Variants in ADGRL1 observed in about 807,000 individuals in gnomAD.
ADGRL1 encodes CIRL-1.
ADGRL1 carries 31 observed loss-of-function variants against 148.9 expected under a neutral mutation model. That is an observed-to-expected ratio of 0.21 (90% confidence interval 0.16 to 0.28). The LOEUF is 0.28. ADGRL1 is among the 10% of genes least tolerant of loss of function. ADGRL1 has a pLI of 1.00. For synonymous variants in ADGRL1, 937 were observed against 900.3 expected, an observed-to-expected ratio of 1.04 and a Z score of -0.73; for missense variants, 1,521 against 2,058.8, an observed-to-expected ratio of 0.74 and a Z score of 5.05.
intron 22 of ADGRL1, 99 bp from the exon 23 acceptor site, chr19:14,151,714 C>G: frequency 8.1e-7 from 1 of 1,232,242 alleles, no homozygotes; most frequent in African/African-American, 1.5e-5. Context: ...GGGCTTGATT[C>G]CTGCTGGTTT....
chr19:14,180,338 C>T (rs1971103240), intron 2 of ADGRL1, among the ~76,000 whole-genome samples: 1 of 152,166 alleles, frequency 6.6e-6, no homozygotes, highest in Non-Finnish European at 1.5e-5. Context: ...TCACTGCAAC[C>T]TCTGCCTCCC....
At chr19:14,156,775 C>T (rs1460564787) in intron 15 of ADGRL1, 51 bp from the exon 16 acceptor site, 1 of 1,568,250 alleles carries the variant, frequency 6.4e-7, no homozygotes, top group Non-Finnish European at 8.7e-7. Context: ...GAGCCATTCC[C>T]AGCGACTCAT....
intron 1 of ADGRL1, among the ~76,000 whole-genome samples, chr19:14,203,836 G>A (rs1972779575): frequency 6.6e-6 from 1 of 151,192 alleles, no homozygotes; most frequent in African/African-American, 2.4e-5. Context: ...GCGCCCAGAA[G>A]TGGGGATTGA....
chr19:14,198,205 T>C (rs1458481243), intron 1 of ADGRL1, among the ~76,000 whole-genome samples: 1 of 152,030 alleles, frequency 6.6e-6, no homozygotes, highest in Non-Finnish European at 1.5e-5. Flanking sequence ...CAGGGCCTTG[T>C]GGACCTCAGG....
At chr19:14,165,545 A>G (rs553879620) in intron 4 of ADGRL1, among the ~76,000 whole-genome samples, 4 of 152,040 alleles carry the variant, frequency 2.6e-5, no homozygotes, top group African/African-American at 9.7e-5. Flanking sequence ...CCAGCACCAA[A>G]CTCCCAATCC....
rs1969153078 is a variant in ADGRL1 at position 14,159,800 on chromosome 19, G to A, written c.1801-27C>T. On this transcript the variant is annotated intron_variant, in intron 8 of 22. Transcript: ENST00000361434. This position sits in a 1 kb window ranked among gnomAD's most constrained non-coding sequence, Gnocchi z 6.0. ...TAGAAAGAGATGGAGGTGATGTCAG[G>A]CCAGGCCTCTGGGTGCCGGTTCCCT... is the stretch of plus-strand genomic sequence containing the variant. The A allele has an allele frequency of 6.2e-7, 1 of 1,607,284 alleles. No individual in the cohort carries two copies. The highest frequency in any genetic ancestry group is 8.5e-7 in the Non-Finnish European group (1 of 1,173,956).
intron 1 of ADGRL1, among the ~76,000 whole-genome samples, chr19:14,200,176 G>C (rs1380986922): frequency 1.3e-5 from 2 of 152,240 alleles, no homozygotes; most frequent in Non-Finnish European, 2.9e-5. Flanking sequence ...CAGGGTCACA[G>C]CCCGTGCAAA....
chr19:14,162,551 G>T lies in ADGRL1; in HGVS notation c.1195+55C>A. The T allele has an allele frequency of 6.6e-7, 1 of 1,507,596 alleles. No homozygotes were observed. The highest frequency in any genetic ancestry group is 9.0e-7 in the Non-Finnish European group (1 of 1,105,882). 93.4% of individuals were successfully genotyped at this position (1,507,596 alleles called of 1,614,324 possible). Reference sequence around the variant, plus strand: ...CACTCTGGGACCCAGGGGTGGGTGGGGGTGGAGGGGACAAAGGCAAGCAGG... The same window carrying T: ...CACTCTGGGACCCAGGGGTGGGTGGTGGTGGAGGGGACAAAGGCAAGCAGG... On this transcript the variant is annotated intron_variant, in intron 5 of 22. Coordinates refer to ENST00000361434, the MANE Select transcript of ADGRL1 (RefSeq NM_014921.5). The surrounding 1 kb of genome is among the most constrained non-coding windows in gnomAD (Gnocchi z 5.4).
chr19:14,158,595 T>G, intron 11 of ADGRL1, 43 bp from the exon 12 acceptor site: 15 of 1,523,068 alleles, frequency 9.8e-6, no homozygotes, highest in Non-Finnish European at 1.3e-5. Context: ...CATCCTCAGC[T>G]GGCGCACCTC....
intron 2 of ADGRL1, among the ~76,000 whole-genome samples, chr19:14,179,332 A>G (rs900326876): frequency 1.1e-4 from 17 of 152,070 alleles, no homozygotes; most frequent in Middle Eastern, 3.2e-3. Flanking sequence ...ATCTCTACCA[A>G]AAATACAAAA....
chr19:14,202,181 C>G (rs984283172), intron 1 of ADGRL1, among the ~76,000 whole-genome samples: 141 of 152,172 alleles, frequency 9.3e-4, no homozygotes, highest in African/African-American at 3.2e-3. Flanking sequence ...GAGTTTGGGG[C>G]TACCCTCGAA....
intron 1 of ADGRL1, among the ~76,000 whole-genome samples, chr19:14,187,288 G>C (rs573928473): frequency 6.6e-6 from 1 of 152,324 alleles, no homozygotes; most frequent in South Asian, 2.1e-4. Context: ...GCAGTGAGCT[G>C]AGATTGTGCC....
chr19:14,190,231 T>G (rs1191263660), intron 1 of ADGRL1, among the ~76,000 whole-genome samples: 2 of 151,898 alleles, frequency 1.3e-5, no homozygotes, highest in Non-Finnish European at 2.9e-5. Context: ...GGCCTGCTAT[T>G]ATTAATTATA....
rs1296491013 is a variant in ADGRL1 at position 14,151,606 on chromosome 19, A to G, written c.3677T>C (p.Leu1226Ser). ...PGSYREPKHPLGGREACGMDT... is the reference protein window; with the variant it reads ...PGSYREPKHPSGGREACGMDT... ...CATGCCACAGGCTTCCCGGCCTCCC[A>G]AGGGGTGCTCTGCAGGGCAGAAAGG... Residue 1226 changes from leucine to serine, a missense_variant, in exon 23 of 23, where the codon TTG becomes TCG. By Grantham distance (145) the Leu-to-Ser change is moderately radical. This residue lies in a region of ADGRL1 where 390 missense variants were observed against 375.0 expected (regional missense o/e 1.04). Transcript: ENST00000361434. 1.3e-6 allele frequency: 2 copies of G among 1,599,188 alleles called. No homozygotes were observed. Among genetic ancestry groups the G allele is most frequent in the Admixed American group, 1.7e-5 (1 of 59,122 alleles).
intron 22 of ADGRL1, 142 bp downstream of exon 22, chr19:14,151,991 A>C: frequency 1.3e-6 from 1 of 794,966 alleles, no homozygotes. Flanking sequence ...TTCGGCTGCC[A>C]GAGGCTGTGT....
chr19:14,168,943 C>T (rs936569050), intron 4 of ADGRL1: 1 of 152,246 alleles, frequency 6.6e-6, no homozygotes, highest in Admixed American at 6.5e-5. Flanking sequence ...GAAGTGAGGC[C>T]ACATGGCTGG....
intron 1 of ADGRL1, among the ~76,000 whole-genome samples, chr19:14,202,050 C>T (rs540825479): frequency 2.0e-5 from 3 of 152,098 alleles, no homozygotes; most frequent in South Asian, 2.1e-4. Context: ...CCAGTGCAAA[C>T]GCCCCGGGGT....
At chr19:14,166,454 A>T (rs1969970227) in intron 4 of ADGRL1, among the ~76,000 whole-genome samples, 1 of 151,968 alleles carries the variant, frequency 6.6e-6, no homozygotes, top group African/African-American at 2.4e-5. Context: ...GACATAGGAG[A>T]ATCTGCTCCC....
rs1306201809 is a variant in ADGRL1 at position 14,160,272 on chromosome 19, T to C, written c.1640A>G (p.Asn547Ser). The change falls in exon 8 of 23, where the codon AAC becomes AGC. Residue 547 changes from asparagine (N) to serine (S), a missense_variant. By Grantham distance (46) the Asn-to-Ser change is conservative. This residue lies in a region of ADGRL1 where 270 missense variants were observed against 320.4 expected (regional missense o/e 0.84). Transcript: ENST00000361434. This position sits in a 1 kb window ranked among gnomAD's most constrained non-coding sequence, Gnocchi z 5.9. ...QKIKSGENAA[N>S]IASELARHTR... is the part of the protein sequence containing the mutation. ...GTGTCGGGCCAGCTCGCTGGCGATG[T>C]TGGCCGCGTTCTCCCCACTCTTGAT... The C allele has an allele frequency of 6.3e-7, 1 of 1,592,334 alleles. No homozygotes were observed. Among genetic ancestry groups the C allele is most frequent in the Admixed American group, 1.7e-5 (1 of 59,596 alleles).
Sources: allele counts gnomAD v4.1 joint callset (sites outside exome capture counted in the v4.1 genomes callset), GRCh38; gene constraint gnomAD v4.1.1; regional missense constraint gnomAD v4.1.1; non-coding constraint Gnocchi (gnomAD v3.1); transcripts MANE v1.5; gene names NCBI Gene and HGNC (gene_info 2026-07-23, HGNC 2026-07-21).